CLYBL: variants seen among roughly 807,000 people sequenced by gnomAD.
The protein encoded by CLYBL is citramalyl-CoA lyase, also known as citramalyl-CoA lyase, mitochondrial.
CLYBL carries 31 observed loss-of-function variants against 38.9 expected under a neutral mutation model. The ratio of observed to expected loss-of-function variants is 0.80; its 90% CI spans 0.60 to 1.08. The LOEUF is 1.08. CLYBL is among the 50% of genes least tolerant of loss of function. The pLI, the probability that CLYBL is intolerant of heterozygous loss-of-function variation, is 0.00. For missense variants in CLYBL, 434 were observed against 411.6 expected (o/e 1.05, Z -0.47); for synonymous variants, 171 against 158.6 (o/e 1.08, Z -0.59).
At chr13:99,608,223 C>A (rs1485832702) in intron 1 of CLYBL, among the ~76,000 whole-genome samples, 1 of 152,064 alleles carries the variant, frequency 6.6e-6, no homozygotes, top group Non-Finnish European at 1.5e-5. Context: ...AGGGCGTCCG[C>A]CACCATGCCC....
chr13:99,635,359 G>A (rs1039149931), intron 1 of CLYBL, among the ~76,000 whole-genome samples: 6 of 151,720 alleles, frequency 4.0e-5, no homozygotes, highest in Non-Finnish European at 7.4e-5. Flanking sequence ...TCCAGTGTTT[G>A]CAGAGTGAGG....
chr13:99,747,824 A>G (rs1225443200), intron 1 of CLYBL, among the ~76,000 whole-genome samples: 2 of 152,162 alleles, frequency 1.3e-5, no homozygotes, highest in African/African-American at 4.8e-5. Context: ...GGTGGACTCA[A>G]TATTTGTTGA....
intron 1 of CLYBL, among the ~76,000 whole-genome samples, chr13:99,719,738 C>T (rs2048368107): frequency 6.6e-6 from 1 of 151,972 alleles, no homozygotes; most frequent in Non-Finnish European, 1.5e-5. Flanking sequence ...AAACTCCTGA[C>T]CTCAGACAAG....
At chr13:99,808,226 C>T (rs879605400) in intron 2 of CLYBL, among the ~76,000 whole-genome samples, 23 of 152,174 alleles carry the variant, frequency 1.5e-4, no homozygotes, top group Admixed American at 8.5e-4. Flanking sequence ...GCTGGGACCA[C>T]AGGCCCACAC....
chr13:99,712,404 G>C (rs988751564), intron 1 of CLYBL, among the ~76,000 whole-genome samples: 1 of 146,222 alleles, frequency 6.8e-6, no homozygotes, highest in Non-Finnish European at 1.5e-5. Flanking sequence ...GCGTGATCTC[G>C]GTTCACTGTG....
chr13:99,806,959 G>A (rs530210774), intron 2 of CLYBL, among the ~76,000 whole-genome samples: 3 of 152,312 alleles, frequency 2.0e-5, no homozygotes, highest in South Asian at 2.1e-4. Context: ...TTATGTGGAC[G>A]GATGATCAAC....
intron 1 of CLYBL, among the ~76,000 whole-genome samples, chr13:99,717,686 C>T (rs944637750): frequency 1.3e-5 from 2 of 151,934 alleles, no homozygotes; most frequent in African/African-American, 2.4e-5. Flanking sequence ...TCTCAGACTC[C>T]TGGGCTCAAG....
intron 2 of CLYBL, among the ~76,000 whole-genome samples, chr13:99,847,729 G>A (rs1163184918): frequency 6.6e-6 from 1 of 152,194 alleles, no homozygotes; most frequent in East Asian, 1.9e-4. Flanking sequence ...ACCCTCCTTC[G>A]AAGGAAGGAA....
Position 99,819,448 on chromosome 13 carries a change from ATATATATATATATATATAT to A in CLYBL, c.250-39412_250-39394del, listed in dbSNP as rs1566340200. ...TATATATATATATATATATATATAT[ATATATATATATATATATAT>A]AATATTTGTCAGGGTTGTCTGGGGG... On this transcript the variant is annotated intron_variant, in intron 2 of 8. Coordinates refer to ENST00000339105, the MANE Select transcript of CLYBL (RefSeq NM_206808.5). 1.8e-3 allele frequency among the ~76,000 whole-genome samples: 156 copies of A among 86,304 alleles called. 4 individuals carry two copies. Among genetic ancestry groups the A allele is most frequent in the Middle Eastern group, 4.8e-3 (1 of 208 alleles). 56.6% of individuals were successfully genotyped at this position (86,304 alleles called of 152,430 possible). A position where few individuals can be genotyped will look rare whatever the true frequency, so the allele number is the denominator to read the frequency against.
intron 1 of CLYBL, among the ~76,000 whole-genome samples, chr13:99,745,558 A>T (rs1383369329): frequency 2.0e-5 from 3 of 152,244 alleles, no homozygotes; most frequent in Non-Finnish European, 4.4e-5. Context: ...AGCACATTAA[A>T]CATACTTCAA....
At chr13:99,702,331 C>T (rs2048079089) in intron 1 of CLYBL, among the ~76,000 whole-genome samples, 1 of 151,888 alleles carries the variant, frequency 6.6e-6, no homozygotes, top group South Asian at 2.1e-4. Context: ...TTTTGGGGGT[C>T]TTAAAAAATT....
chr13:99,626,379 C>T (rs1289789640), intron 1 of CLYBL, among the ~76,000 whole-genome samples: 1 of 152,200 alleles, frequency 6.6e-6, no homozygotes, highest in Admixed American at 6.5e-5. Flanking sequence ...CAGGCCAGCC[C>T]AGGACTGACT....
chr13:99,720,125 G>T, intron 1 of CLYBL, among the ~76,000 whole-genome samples: 1 of 150,272 alleles, frequency 6.7e-6, no homozygotes, highest in African/African-American at 2.4e-5. Context: ...TTTTATTATA[G>T]TTTTCTTATT....
At chr13:99,775,639 G>C (rs1014165609) in intron 2 of CLYBL, among the ~76,000 whole-genome samples, 1 of 152,054 alleles carries the variant, frequency 6.6e-6, no homozygotes, top group Non-Finnish European at 1.5e-5. Flanking sequence ...TTCCTAAGCA[G>C]CTGGGACTAT....
intron 1 of CLYBL, among the ~76,000 whole-genome samples, chr13:99,634,995 T>G (rs2046998992): frequency 6.6e-6 from 1 of 152,112 alleles, no homozygotes; most frequent in Non-Finnish European, 1.5e-5. Flanking sequence ...TAAAATGGCC[T>G]CCTGAACACT....
At chr13:99,711,716 T>G (rs1049944578) in intron 1 of CLYBL, among the ~76,000 whole-genome samples, 1 of 150,140 alleles carries the variant, frequency 6.7e-6, no homozygotes, top group Admixed American at 6.7e-5. Context: ...TTTTTTATTT[T>G]TTATTTTTTA....
intron 1 of CLYBL, among the ~76,000 whole-genome samples, chr13:99,683,605 C>G (rs929092960): frequency 9.9e-5 from 15 of 152,072 alleles, no homozygotes; most frequent in South Asian, 6.2e-4. Flanking sequence ...TTACTGTCTT[C>G]CACCTCTACA....
At chr13:99,637,405 C>T (rs1044635085) in intron 1 of CLYBL, among the ~76,000 whole-genome samples, 12 of 152,214 alleles carry the variant, frequency 7.9e-5, no homozygotes, top group African/African-American at 2.9e-4. Flanking sequence ...CAGCATATTG[C>T]ATATTCCCTG....
intron 2 of CLYBL, among the ~76,000 whole-genome samples, chr13:99,787,260 T>C (rs948984737): frequency 6.6e-6 from 1 of 152,236 alleles, no homozygotes; most frequent in Non-Finnish European, 1.5e-5. Flanking sequence ...GTTTTAGACA[T>C]GAAGTCCTTG....
Sources: allele counts gnomAD v4.1 joint callset (sites outside exome capture counted in the v4.1 genomes callset), GRCh38; gene constraint gnomAD v4.1.1; transcripts MANE v1.5; gene names NCBI Gene and HGNC (gene_info 2026-07-23, HGNC 2026-07-21).